TLN2: variants seen among roughly 807,000 people sequenced by gnomAD.
The protein encoded by TLN2 is talin 2.
In TLN2, 118 loss-of-function variants were observed where a neutral mutation model predicts 294.7. The ratio of observed to expected loss-of-function variants is 0.40; its 90% confidence interval spans 0.34 to 0.47. TLN2 has a LOEUF of 0.47. TLN2 is among the 20% of genes least tolerant of loss of function. TLN2 has a pLI of 0.84. For synonymous variants in TLN2, 1,431 were observed against 1,304.5 expected, an observed-to-expected ratio of 1.10 and a Z score of -2.09; for missense variants, 3,083 against 3,282.2, an observed-to-expected ratio of 0.94 and a Z score of 1.48.
At chr15:62,467,097 A>G (rs1395611726) in intron 1 of TLN2, among the ~76,000 whole-genome samples, 1 of 152,194 alleles carries the variant, frequency 6.6e-6, no homozygotes, top group Non-Finnish European at 1.5e-5. Context: ...CCATTGCCTT[A>G]TGAGTTACGG....
chr15:62,750,486 T>G lies in TLN2; in HGVS notation c.4204T>G (p.Ser1402Ala). 1.2e-6 allele frequency: 2 copies of G among 1,613,990 alleles called. No individual in the cohort carries two copies. Among genetic ancestry groups the G allele is most frequent in the Non-Finnish European group, 8.5e-7 (1 of 1,179,814 alleles). The part of the protein sequence containing the change: ...FDCIESVMEN[S>A]KVLGESMAGI... ...CTGCATTGAGAGTGTGATGGAAAAC[T>G]CCAAGGTAAGACTGCCTATGCCGTA... The change falls in exon 34 of 59, where the codon TCC becomes GCC. Residue 1402 changes from serine to alanine, a missense_variant. Transcript: ENST00000636159.
rs2037143933 is a variant in TLN2 at position 62,466,501 on chromosome 15, CG to C, written c.-238+75817del. Among the ~76,000 whole-genome samples, 5 of 152,342 alleles carry C rather than the reference CG, an allele frequency of 3.3e-5. No individual in the cohort carries two copies. The South Asian group carries it at 1.0e-3, about 32-fold the overall frequency. On this transcript the variant is annotated intron_variant, in intron 1 of 58. Coordinates refer to ENST00000636159, the MANE Select transcript of TLN2 (RefSeq NM_015059.3). ...CCCTTTCAGGTGTGACAGCCAAAAA[CG>C]TCTCCAGACATTGCCAAATGTTCCC...
intron 1 of TLN2, among the ~76,000 whole-genome samples, chr15:62,553,295 C>G (rs1180487264): frequency 6.6e-6 from 1 of 152,090 alleles, no homozygotes; most frequent in Non-Finnish European, 1.5e-5. Flanking sequence ...GAGTTCGAGA[C>G]CAGCCTGGCC....
intron 42 of TLN2, among the ~76,000 whole-genome samples, chr15:62,774,455 T>C (rs1595946966): frequency 6.6e-6 from 1 of 152,168 alleles, no homozygotes; most frequent in African/African-American, 2.4e-5. Context: ...TCCAACTGTG[T>C]CTTTGGGTAT....
intron 19 of TLN2, among the ~76,000 whole-genome samples, chr15:62,705,897 C>T (rs570082073): frequency 3.3e-5 from 5 of 152,340 alleles, no homozygotes; most frequent in Non-Finnish European, 7.3e-5. Flanking sequence ...TAACCTGCTC[C>T]TTTAAGACCA....
chr15:62,537,954 G>A (rs2041457131), intron 1 of TLN2, among the ~76,000 whole-genome samples: 1 of 152,194 alleles, frequency 6.6e-6, no homozygotes, highest in Non-Finnish European at 1.5e-5. Context: ...GGTCGTGGTG[G>A]CTCACGTCTG....
chr15:62,452,545 T>A (rs1465542842), intron 1 of TLN2, among the ~76,000 whole-genome samples: 4 of 152,180 alleles, frequency 2.6e-5, no homozygotes, highest in Non-Finnish European at 5.9e-5. Context: ...ATCACCACCA[T>A]CCATCTCCAG....
At chr15:62,761,654 C>T in intron 37 of TLN2, 27 bp from the exon 38 acceptor site, 2 of 1,613,796 alleles carry the variant, frequency 1.2e-6, no homozygotes, top group Non-Finnish European at 1.7e-6. Flanking sequence ...CTCAATTGGG[C>T]AGAATCTCCC....
intron 21 of TLN2, among the ~76,000 whole-genome samples, chr15:62,709,411 C>T (rs2059279708): frequency 6.6e-6 from 1 of 152,152 alleles, no homozygotes; most frequent in Non-Finnish European, 1.5e-5. Context: ...GGAGCAGTGT[C>T]TCCTGGGTGT....
At chr15:62,569,165 C>G (rs929449257) in intron 1 of TLN2, among the ~76,000 whole-genome samples, 4 of 152,196 alleles carry the variant, frequency 2.6e-5, no homozygotes, top group African/African-American at 9.7e-5. Context: ...GGTCGCTTCT[C>G]ATTGGATTTA....
chr15:62,717,412 C>G (rs375911910), intron 23 of TLN2, among the ~76,000 whole-genome samples, 164 bp from the exon 24 acceptor site: 21 of 152,256 alleles, frequency 1.4e-4, no homozygotes, highest in Admixed American at 1.2e-3. Context: ...AGGAAGATAG[C>G]GTGTTGTAAG....
intron 1 of TLN2, among the ~76,000 whole-genome samples, chr15:62,495,908 T>A (rs936183133): frequency 1.5e-4 from 23 of 151,854 alleles, no homozygotes; most frequent in Non-Finnish European, 7.4e-5. Flanking sequence ...TTTCCAGTCT[T>A]TAATCATGGA....
chr15:62,786,940 G>A (rs2064711029), intron 45 of TLN2, among the ~76,000 whole-genome samples: 2 of 152,214 alleles, frequency 1.3e-5, no homozygotes, highest in South Asian at 2.1e-4. Context: ...TCACTCTGTT[G>A]CCCAGGCTGG....
At position 62,416,646 on chromosome 15, in the gene TLN2, T is replaced by C. The variant is rs565190938; in HGVS notation, c.-238+25961T>C. Among the ~76,000 whole-genome samples the C allele has an allele frequency of 2.0e-5, 3 of 152,302 alleles. No homozygotes were observed. In the South Asian group the frequency reaches 6.2e-4, roughly 32 times the overall value. On this transcript the variant is annotated intron_variant, in intron 1 of 58. Coordinates refer to ENST00000636159, the MANE Select transcript of TLN2 (RefSeq NM_015059.3). The stretch of plus-strand genomic sequence containing the variant: ...GAATATAGCATTATCTTCCTTGATA[T>C]TACATATCAAAGAGATGACTCTCAA...
At chr15:62,480,979 A>AG (rs1459079541) in intron 1 of TLN2, among the ~76,000 whole-genome samples, 1 of 152,142 alleles carries the variant, frequency 6.6e-6, no homozygotes, top group African/African-American at 2.4e-5. Context: ...AGTTGGGATG[A>AG]GGGGCACAGA....
chr15:62,648,945 A>G (rs2052256063), intron 4 of TLN2, among the ~76,000 whole-genome samples: 1 of 152,064 alleles, frequency 6.6e-6, no homozygotes, highest in Non-Finnish European at 1.5e-5. Flanking sequence ...TTCCAGGCTC[A>G]AGTGATCCTC....
chr15:62,742,072 T>TGAGA (rs1555495865), intron 32 of TLN2, among the ~76,000 whole-genome samples: 3 of 142,408 alleles, frequency 2.1e-5, no homozygotes, highest in African/African-American at 8.0e-5. Flanking sequence ...TGTGTGTGTG[T>TGAGA]GTGAAGGGTT....
At chr15:62,466,029 C>T (rs1182439688) in intron 1 of TLN2, among the ~76,000 whole-genome samples, 1 of 152,162 alleles carries the variant, frequency 6.6e-6, no homozygotes, top group East Asian at 1.9e-4. Context: ...TTTAGCATTG[C>T]TCCCTTTTCC....
chr15:62,797,383 C>T lies in TLN2; in HGVS notation c.6215C>T (p.Ser2072Phe). 1 of 1,607,244 alleles carries T rather than the reference C, an allele frequency of 6.2e-7. No individual in the cohort carries two copies. Among genetic ancestry groups the T allele is most frequent in the Non-Finnish European group, 8.5e-7 (1 of 1,177,742 alleles). The change falls in exon 48 of 59, where the codon TCC (serine) becomes TTC (phenylalanine). Residue 2072 changes from serine to phenylalanine, a missense_variant. Coordinates refer to ENST00000636159, the MANE Select transcript of TLN2 (RefSeq NM_015059.3). ...VVKLGAASLG[S>F]DDPETQVVLI... ...AAGCTGGGGGCAGCCAGCCTGGGCT[C>T]CGACGACCCCGAGACCCAGGTACCA...
Sources: allele counts gnomAD v4.1 joint callset (sites outside exome capture counted in the v4.1 genomes callset), GRCh38; gene constraint gnomAD v4.1.1; transcripts MANE v1.5; gene names NCBI Gene and HGNC (gene_info 2026-07-23, HGNC 2026-07-21).